The following FRMPD1 variants were observed in gnomAD, a reference collection of about 807,000 sequenced individuals.
FRMPD1 encodes the protein FERM and PDZ domain-containing protein 1.
FRMPD1 carries 76 observed loss-of-function variants against 117.8 expected under a neutral mutation model. The observed-to-expected ratio is 0.65, with a 90% CI of 0.54 to 0.78. The LOEUF (loss-of-function observed/expected upper bound fraction) is 0.78. FRMPD1 is among the 30% of genes least tolerant of loss of function. The probability of loss-of-function intolerance (pLI) is 0.00; values close to 1 mark genes in which losing one functional copy is unlikely to be tolerated. For missense variants in FRMPD1, 1,786 were observed against 1,964.5 expected (o/e 0.91, Z 1.72); for synonymous variants, 783 against 770.4 (o/e 1.02, Z -0.27).
chr9:37,619,556 G>A, the FRMPD1 span, among the ~76,000 whole-genome samples: 1 of 152,124 alleles, frequency 6.6e-6, no homozygotes, highest in Non-Finnish European at 1.5e-5. Context: ...TCAGGAGTTT[G>A]AGACCCGCCT....
intron 2 of FRMPD1, among the ~76,000 whole-genome samples, chr9:37,703,511 T>C (rs187929686): frequency 2.6e-5 from 4 of 152,338 alleles, no homozygotes; most frequent in Admixed American, 2.6e-4. Flanking sequence ...TTTTTAAATT[T>C]ACTTATTTTC....
chr9:37,722,916 G>A (rs763480427), intron 6 of FRMPD1, among the ~76,000 whole-genome samples: 1 of 152,162 alleles, frequency 6.6e-6, no homozygotes, highest in Non-Finnish European at 1.5e-5. Flanking sequence ...TCTTACGAGA[G>A]CTGGGAGATT....
At chr9:37,718,991 T>C in intron 5 of FRMPD1, 78 bp from the exon 6 acceptor site, 1 of 852,456 alleles carries the variant, frequency 1.2e-6, no homozygotes, top group South Asian at 1.4e-5. Context: ...AGTTTCTGTT[T>C]TTAAGAAATG....
At chr9:37,633,585 G>A in the FRMPD1 span, among the ~76,000 whole-genome samples, 10 of 152,250 alleles carry the variant, frequency 6.6e-5, no homozygotes, top group African/African-American at 1.7e-4. Flanking sequence ...GCAGCCTGGT[G>A]CAGTGGCTCA....
At chr9:37,659,894 T>G (rs28384281) in intron 1 of FRMPD1, among the ~76,000 whole-genome samples, 4,705 of 145,242 alleles carry the variant, frequency 0.032, 275 homozygotes, top group African/African-American at 0.12. Context: ...CTGCTTTGTT[T>G]GCAGTTGACT....
chr9:37,654,050 A>G (rs1563919100), intron 1 of FRMPD1, among the ~76,000 whole-genome samples: 1 of 152,186 alleles, frequency 6.6e-6, no homozygotes, highest in Non-Finnish European at 1.5e-5. Context: ...ACTGTCCTTC[A>G]TTTTTTCAAT....
chr9:37,669,123 T>G (rs975143826), intron 1 of FRMPD1, among the ~76,000 whole-genome samples: 19 of 152,176 alleles, frequency 1.2e-4, no homozygotes, highest in African/African-American at 4.3e-4. Context: ...TCCATGCCTC[T>G]CTGGTCAGCT....
At chr9:37,739,972 C>A in intron 14 of FRMPD1, 106 bp from the exon 15 acceptor site, 1 of 820,334 alleles carries the variant, frequency 1.2e-6, no homozygotes, top group Non-Finnish European at 2.0e-6. Context: ...CACCCTCTGG[C>A]CCTCAGTTTT....
chr9:37,729,408 AAGAT>A (rs1823762271), intron 7 of FRMPD1, among the ~76,000 whole-genome samples: 1 of 141,596 alleles, frequency 7.1e-6, no homozygotes, highest in African/African-American at 2.5e-5. Flanking sequence ...AAAAAAAAAA[AAGAT>A]AGAGACTGGG....
At chr9:37,609,421 C>T in the FRMPD1 span, among the ~76,000 whole-genome samples, 2 of 152,162 alleles carry the variant, frequency 1.3e-5, no homozygotes, top group Non-Finnish European at 2.9e-5. Flanking sequence ...GCGGCAAGTC[C>T]AGCCTTCAGG....
chr9:37,690,730 T>C (rs1403395515), intron 1 of FRMPD1, among the ~76,000 whole-genome samples: 1 of 152,208 alleles, frequency 6.6e-6, no homozygotes, highest in African/African-American at 2.4e-5. Flanking sequence ...TGTGTTGCTA[T>C]ATAATATCAC....
At chr9:37,661,769 C>T (rs1014220534) in intron 1 of FRMPD1, 4 of 152,270 alleles carry the variant, frequency 2.6e-5, no homozygotes, top group African/African-American at 7.2e-5. Flanking sequence ...CATTTAATTT[C>T]ACAGCATAGA....
At chr9:37,671,822 C>T (rs539097357) in intron 1 of FRMPD1, among the ~76,000 whole-genome samples, 10 of 152,148 alleles carry the variant, frequency 6.6e-5, no homozygotes, top group South Asian at 2.1e-4. Context: ...AAAAGTTAGC[C>T]GGGCGTGGTG....
At chr9:37,708,536 A>C in intron 4 of FRMPD1, 35 bp downstream of exon 4, 1 of 1,206,050 alleles carries the variant, frequency 8.3e-7, no homozygotes, top group East Asian at 2.3e-5. Context: ...ACAGAATTGC[A>C]CAGATTATCA....
At chr9:37,643,755 C>T in the FRMPD1 span, among the ~76,000 whole-genome samples, 24 of 152,180 alleles carry the variant, frequency 1.6e-4, no homozygotes, top group Admixed American at 1.3e-3. Flanking sequence ...GCTTTTGTGG[C>T]CTCTTGGGTA....
chr9:37,700,246 C>A (rs951118062), intron 2 of FRMPD1, among the ~76,000 whole-genome samples: 1 of 152,088 alleles, frequency 6.6e-6, no homozygotes, highest in Non-Finnish European at 1.5e-5. Flanking sequence ...GGAAGAATTT[C>A]TCCTTTCAAC....
chr9:37,735,433 G>C (rs1824073486), intron 12 of FRMPD1, 119 bp from the exon 13 acceptor site: 2 of 727,106 alleles, frequency 2.8e-6, no homozygotes, highest in South Asian at 1.7e-5. Context: ...TGGAGGAGTG[G>C]TGGTTAGGAT....
rs1170268072 is a variant in FRMPD1, at chr9:37,740,750, G to A, written c.2222G>A (p.Gly741Asp). The A allele has an allele frequency of 6.2e-7, 1 of 1,614,058 alleles. No individual in the cohort carries two copies. The highest frequency in any genetic ancestry group is 1.3e-5 in the African/African-American group (1 of 74,932). ...GCCCCGCCAGCCTGGGGTCAGCAGG[G>A]CTGGACTGAGGCCCAGCCCAGTTCC... is the stretch of plus-strand genomic sequence containing the variant. ...GGAPPAWGQQ[G>D]WTEAQPSSML... Residue 741 changes from glycine (G) to aspartate (D), a missense_variant, in exon 15 of 16, where the codon GGC (glycine) becomes GAC (aspartate). Coordinates refer to ENST00000377765, the MANE Select transcript of FRMPD1 (RefSeq NM_014907.3). This position sits in a 1 kb window ranked among gnomAD's most constrained non-coding sequence, Gnocchi z 4.2.
chr9:37,731,180 T>G (rs2274323), intron 9 of FRMPD1, 77 bp downstream of exon 9: 309,624 of 1,339,102 alleles, frequency 0.23, 37,907 homozygotes, highest in East Asian at 0.41. Flanking sequence ...GAACGTGAGC[T>G]CGAGGCCATT....
Sources: allele counts gnomAD v4.1 joint callset (sites outside exome capture counted in the v4.1 genomes callset), GRCh38; gene constraint gnomAD v4.1.1; non-coding constraint Gnocchi (gnomAD v3.1); transcripts MANE v1.5; gene names NCBI Gene and HGNC (gene_info 2026-07-23, HGNC 2026-07-21).